Variants in CAMKMT observed in about 807,000 individuals in gnomAD.
The protein encoded by CAMKMT is CaM KMT.
Under a neutral mutation model 48.0 loss-of-function variants are expected in CAMKMT, and 53 were observed. That is an observed-to-expected ratio of 1.10 (90% CI 0.89 to 1.39). CAMKMT has a LOEUF of 1.39. CAMKMT is among the 40% of genes most tolerant of loss of function. CAMKMT has a pLI of 0.00. For missense variants in CAMKMT, 428 were observed against 402.7 expected, an observed-to-expected ratio of 1.06 and a Z score of -0.54; for synonymous variants, 165 against 152.3, an observed-to-expected ratio of 1.08 and a Z score of -0.61.
chr2:44,764,235 A>G (rs961175244), intron 9 of CAMKMT, among the ~76,000 whole-genome samples: 14 of 152,302 alleles, frequency 9.2e-5, no homozygotes, highest in Non-Finnish European at 1.8e-4. Context: ...GGCTGATGTA[A>G]ACACAGTATG....
rs1227148590 is a variant in CAMKMT at position 44,772,028 on chromosome 2, G to A, written c.895-8G>A. 6.2e-7 allele frequency: 1 copy of A among 1,603,150 alleles called. No homozygotes were observed. The highest frequency in any genetic ancestry group is 8.5e-7 in the Non-Finnish European group (1 of 1,171,438). On this transcript the variant is annotated splice_polypyrimidine_tract_variant and splice_region_variant and intron_variant, in intron 10 of 10. Transcript: ENST00000378494. Reference sequence around the variant, plus strand: ...CCCTTACCTTTTTCTTTCTATTATTGTTTTCAGTTGAAAAAGGAAAACCCG... The same window carrying A: ...CCCTTACCTTTTTCTTTCTATTATTATTTTCAGTTGAAAAAGGAAAACCCG...
chr2:44,457,574 T>G (rs1215599346), intron 3 of CAMKMT, among the ~76,000 whole-genome samples: 1 of 151,996 alleles, frequency 6.6e-6, no homozygotes, highest in East Asian at 1.9e-4. Flanking sequence ...AATTTTTGTA[T>G]TTTTAGTAGA....
chr2:44,588,169 C>T (rs1669991572), intron 3 of CAMKMT, among the ~76,000 whole-genome samples: 1 of 133,704 alleles, frequency 7.5e-6, no homozygotes, highest in East Asian at 2.1e-4. Context: ...GCCCGGCCGC[C>T]CCGTCTGAGA....
chr2:44,529,851 A>T (rs1319965421), intron 3 of CAMKMT, among the ~76,000 whole-genome samples: 2 of 152,228 alleles, frequency 1.3e-5, no homozygotes, highest in African/African-American at 4.8e-5. Context: ...ATCTGTGAGT[A>T]ATTTGAGAAA....
intron 3 of CAMKMT, among the ~76,000 whole-genome samples, chr2:44,629,733 A>G (rs1197261527): frequency 1.3e-5 from 2 of 152,162 alleles, no homozygotes; most frequent in South Asian, 2.1e-4. Flanking sequence ...CCACTGCTCA[A>G]TGAAATAAAA....
At chr2:44,511,076 A>G (rs1489162523) in intron 3 of CAMKMT, among the ~76,000 whole-genome samples, 2 of 152,084 alleles carry the variant, frequency 1.3e-5, no homozygotes, top group Admixed American at 1.3e-4. Context: ...CCTCACCTCA[A>G]GTGATCTGCC....
intron 3 of CAMKMT, among the ~76,000 whole-genome samples, chr2:44,637,797 T>C (rs1227492536): frequency 6.6e-6 from 1 of 152,060 alleles, no homozygotes; most frequent in East Asian, 1.9e-4. Context: ...CCAGGCACGG[T>C]GGCTCACGCC....
At chr2:44,603,055 T>C (rs1396534858) in intron 3 of CAMKMT, among the ~76,000 whole-genome samples, 6 of 151,904 alleles carry the variant, frequency 3.9e-5, no homozygotes, top group Non-Finnish European at 5.9e-5. Context: ...CACACACACA[T>C]ATATAGATAC....
At chr2:44,549,497 A>G (rs1667586914) in intron 3 of CAMKMT, 1 of 691,818 alleles carries the variant, frequency 1.4e-6, no homozygotes, top group Non-Finnish European at 2.6e-6. Flanking sequence ...ACTGAAAACC[A>G]CAATTACTTT....
At chr2:44,663,313 C>T (rs1674777066) in intron 3 of CAMKMT, among the ~76,000 whole-genome samples, 1 of 152,148 alleles carries the variant, frequency 6.6e-6, no homozygotes, top group Non-Finnish European at 1.5e-5. Context: ...ATGTTCTTAT[C>T]CTTCAAAAAT....
At chr2:44,487,910 A>G (rs527463507) in intron 3 of CAMKMT, among the ~76,000 whole-genome samples, 2 of 152,398 alleles carry the variant, frequency 1.3e-5, no homozygotes, top group East Asian at 3.8e-4. Flanking sequence ...TTCATGGCCT[A>G]CAGGCCAGAT....
chr2:44,473,072 G>T (rs960669575), intron 3 of CAMKMT, among the ~76,000 whole-genome samples: 10 of 152,116 alleles, frequency 6.6e-5, no homozygotes, highest in Non-Finnish European at 1.3e-4. Context: ...AATTCCTTCC[G>T]GGTTTGGGTG....
intron 3 of CAMKMT, among the ~76,000 whole-genome samples, chr2:44,580,195 A>C (rs955322446): frequency 1.3e-5 from 2 of 151,986 alleles, no homozygotes; most frequent in African/African-American, 4.8e-5. Flanking sequence ...AGTAATGACT[A>C]GTTCTTCTAA....
intron 3 of CAMKMT, chr2:44,456,518 A>C: frequency 6.5e-7 from 1 of 1,543,626 alleles, no homozygotes; most frequent in Non-Finnish European, 8.7e-7. Context: ...GAAAAGCTTT[A>C]ACTACAGCCA....
intron 3 of CAMKMT, among the ~76,000 whole-genome samples, chr2:44,396,264 T>G (rs963596735): frequency 2.1e-5 from 3 of 141,738 alleles, no homozygotes; most frequent in African/African-American, 8.2e-5. Flanking sequence ...ATTGACTAAT[T>G]TAAGATTTAA....
chr2:44,493,499 A>G (rs1302156763), intron 3 of CAMKMT, among the ~76,000 whole-genome samples: 1 of 152,192 alleles, frequency 6.6e-6, no homozygotes, highest in Non-Finnish European at 1.5e-5. Context: ...ATAAAGTGCT[A>G]ATCAAACTAT....
intron 3 of CAMKMT, among the ~76,000 whole-genome samples, chr2:44,560,626 G>A (rs1287368025): frequency 1.3e-5 from 2 of 152,134 alleles, no homozygotes; most frequent in Non-Finnish European, 2.9e-5. Context: ...AAAAAAGCAT[G>A]CTCTCATTTA....
intron 3 of CAMKMT, among the ~76,000 whole-genome samples, chr2:44,505,929 G>T (rs1029954580): frequency 6.6e-6 from 1 of 151,792 alleles, no homozygotes; most frequent in South Asian, 2.1e-4. Context: ...GTGCAGTGGC[G>T]CGATCTTGGC....
chr2:44,503,984 G>GGAGAGA (rs370141046), intron 3 of CAMKMT, among the ~76,000 whole-genome samples: 81,140 of 142,314 alleles, frequency 0.57, 24,094 homozygotes, highest in Non-Finnish European at 0.65. Context: ...GAGCGGGTGG[G>GGAGAGA]GAGAGAGAGA....
Sources: allele counts gnomAD v4.1 joint callset (sites outside exome capture counted in the v4.1 genomes callset), GRCh38; gene constraint gnomAD v4.1.1; transcripts MANE v1.5; gene names NCBI Gene and HGNC (gene_info 2026-07-23, HGNC 2026-07-21).